CPB2: variants seen among roughly 807,000 people sequenced by gnomAD.
The protein encoded by CPB2 is carboxypeptidase B-like protein.
In CPB2, 54 loss-of-function variants were observed where a neutral mutation model predicts 57.0. The ratio of observed to expected loss-of-function variants is 0.95; its 90% CI spans 0.76 to 1.19. CPB2 has a LOEUF of 1.19. Among genes scored for constraint, CPB2 ranks in the 50% most tolerant of loss-of-function variants. The pLI is 0.00. For synonymous variants in CPB2, 189 were observed against 178.1 expected (o/e 1.06, Z -0.49); for missense variants, 426 against 512.0 (o/e 0.83, Z 1.62).
intron 9 of CPB2, among the ~76,000 whole-genome samples, chr13:46,056,959 T>C (rs2044705730): frequency 6.6e-6 from 1 of 152,232 alleles, no homozygotes; most frequent in South Asian, 2.1e-4. Context: ...TTGTACTGTC[T>C]GTGCCACGTA....
chr13:46,067,819 T>C (rs1228982342), intron 6 of CPB2, among the ~76,000 whole-genome samples: 1 of 152,248 alleles, frequency 6.6e-6, no homozygotes, highest in Non-Finnish European at 1.5e-5. Flanking sequence ...CAGATGTGAT[T>C]ACATGATATT....
chr13:46,070,153 A>G (rs868828262), intron 6 of CPB2, among the ~76,000 whole-genome samples: 3 of 152,218 alleles, frequency 2.0e-5, no homozygotes, highest in African/African-American at 4.8e-5. Flanking sequence ...AATAAGTGAT[A>G]TGGATATTCA....
intron 9 of CPB2, among the ~76,000 whole-genome samples, chr13:46,056,600 A>G (rs188163123): frequency 6.6e-6 from 1 of 152,358 alleles, no homozygotes; most frequent in East Asian, 1.9e-4. Flanking sequence ...CCCATTGTCT[A>G]CATAATGAAA....
At chr13:46,097,630 G>C (rs1018867156) in intron 1 of CPB2, among the ~76,000 whole-genome samples, 1 of 152,186 alleles carries the variant, frequency 6.6e-6, no homozygotes, top group African/African-American at 2.4e-5. Flanking sequence ...AGAATACCTA[G>C]TTGCTGCTAT....
At chr13:46,069,118 G>A (rs1029385260) in intron 6 of CPB2, among the ~76,000 whole-genome samples, 3 of 152,130 alleles carry the variant, frequency 2.0e-5, no homozygotes, top group African/African-American at 7.2e-5. Flanking sequence ...CTGGTTGGAT[G>A]GGAATCTTTC....
At chr13:46,080,496 T>G (rs1028763085) in intron 4 of CPB2, among the ~76,000 whole-genome samples, 6 of 152,226 alleles carry the variant, frequency 3.9e-5, no homozygotes, top group African/African-American at 1.4e-4. Context: ...AATTCATATG[T>G]TCAATCCCTA....
At chr13:46,101,797 C>G (rs1389423503) in intron 1 of CPB2, among the ~76,000 whole-genome samples, 1 of 152,166 alleles carries the variant, frequency 6.6e-6, no homozygotes, top group Non-Finnish European at 1.5e-5. Context: ...GGGCTCGAAT[C>G]CAGATCCTGA....
At chr13:46,103,456 C>T (rs186499901) in intron 1 of CPB2, among the ~76,000 whole-genome samples, 1 of 152,330 alleles carries the variant, frequency 6.6e-6, no homozygotes, top group Non-Finnish European at 1.5e-5. Flanking sequence ...CAATGCTGTC[C>T]AGTGCATGGA....
chr13:46,073,355 G>T, intron 6 of CPB2: 1 of 309,554 alleles, frequency 3.2e-6, no homozygotes, highest in Non-Finnish European at 4.7e-6. Context: ...CCAACATACA[G>T]TTTGTCTTAT....
At chr13:46,065,416 G>A (rs1195742321) in intron 7 of CPB2, among the ~76,000 whole-genome samples, 3 of 152,022 alleles carry the variant, frequency 2.0e-5, no homozygotes, top group Non-Finnish European at 4.4e-5. Flanking sequence ...CACGAGGTCA[G>A]GAGATCGAGA....
chr13:46,061,411 G>C (rs2044770954), intron 8 of CPB2, among the ~76,000 whole-genome samples: 1 of 152,124 alleles, frequency 6.6e-6, no homozygotes, highest in Admixed American at 6.5e-5. Flanking sequence ...CTATGTTGAA[G>C]CCCTAAGCCC....
intron 1 of CPB2, among the ~76,000 whole-genome samples, chr13:46,093,528 A>G (rs1266257811): frequency 2.0e-5 from 3 of 152,248 alleles, no homozygotes; most frequent in African/African-American, 7.2e-5. Flanking sequence ...CTTTTCAGTC[A>G]TTATAAAAAA....
chr13:46,081,010 G>A (rs1182366991), intron 4 of CPB2, among the ~76,000 whole-genome samples: 1 of 149,336 alleles, frequency 6.7e-6, no homozygotes, highest in African/African-American at 2.5e-5. Flanking sequence ...AGGCATATGA[G>A]GAAGAACGCT....
At chr13:46,077,715 G>A (rs1409844094) in intron 5 of CPB2, among the ~76,000 whole-genome samples, 2 of 152,078 alleles carry the variant, frequency 1.3e-5, no homozygotes, top group Non-Finnish European at 2.9e-5. Flanking sequence ...AAATGTGGAT[G>A]TGGATAAAGA....
chr13:46,075,365 C>T (rs367732455), intron 5 of CPB2, among the ~76,000 whole-genome samples: 1 of 152,228 alleles, frequency 6.6e-6, no homozygotes, highest in Non-Finnish European at 1.5e-5. Flanking sequence ...TTTCTTGGCA[C>T]TGGTTCTGAC....
intron 4 of CPB2, among the ~76,000 whole-genome samples, chr13:46,081,423 C>T (rs923086039): frequency 3.3e-5 from 5 of 152,122 alleles, no homozygotes; most frequent in Middle Eastern, 3.4e-3. Context: ...CTCATGCAGT[C>T]GTGCTGATGG....
intron 1 of CPB2, among the ~76,000 whole-genome samples, chr13:46,102,547 A>AAC (rs1477101295): frequency 6.7e-6 from 1 of 149,422 alleles, no homozygotes; most frequent in African/African-American, 2.4e-5. Flanking sequence ...TGACAAAAAA[A>AAC]AAAAAAAAAA....
At chr13:46,088,222 G>A (rs2045239759) in intron 1 of CPB2, among the ~76,000 whole-genome samples, 1 of 152,156 alleles carries the variant, frequency 6.6e-6, no homozygotes. Context: ...TTGACATCCT[G>A]AAGATCCTTG....
chr13:46,070,828 C>G (rs1470093115), intron 6 of CPB2, among the ~76,000 whole-genome samples: 1 of 152,160 alleles, frequency 6.6e-6, no homozygotes, highest in Non-Finnish European at 1.5e-5. Flanking sequence ...ACAGTAGGTA[C>G]TGTTTAGATA....
Sources: gnomAD v4.1 joint callset for allele counts (sites outside exome capture counted in the v4.1 genomes callset) on GRCh38, gnomAD v4.1.1 for gene constraint, MANE v1.5 for transcripts, NCBI Gene and HGNC (gene_info 2026-07-23, HGNC 2026-07-21) for gene names.